Variants in TMTC2 observed in about 807,000 individuals in gnomAD.
TMTC2 encodes transmembrane O-mannosyltransferase targeting cadherins 2.
A neutral mutation model predicts 82.4 loss-of-function variants in TMTC2; 43 were observed. That is an observed-to-expected ratio of 0.52 (90% confidence interval 0.41 to 0.67). The LOEUF (loss-of-function observed/expected upper bound fraction) is 0.67, where lower values mean the gene tolerates loss of function less well. Among genes scored for constraint, TMTC2 ranks in the 30% least tolerant of loss-of-function variants. TMTC2 has a pLI of 0.00. For synonymous variants in TMTC2, 408 were observed against 381.9 expected, an observed-to-expected ratio of 1.07 and a Z score of -0.80; for missense variants, 919 against 1,012.4, an observed-to-expected ratio of 0.91 and a Z score of 1.25.
chr12:82,868,187 G>A (rs1871964891), intron 2 of TMTC2, among the ~76,000 whole-genome samples: 1 of 152,122 alleles, frequency 6.6e-6, no homozygotes, highest in Non-Finnish European at 1.5e-5. Context: ...CATTTTTGTA[G>A]CATTTTCAGT....
At chr12:82,773,173 C>T (rs1331754646) in intron 1 of TMTC2, among the ~76,000 whole-genome samples, 2 of 152,090 alleles carry the variant, frequency 1.3e-5, no homozygotes, top group Admixed American at 6.6e-5. Flanking sequence ...CACTGTTATT[C>T]CTGAGTTAGT....
Position 82,941,506 on chromosome 12 carries a change from C to A in TMTC2, c.1598+10961C>A, listed in dbSNP as rs543448270. Reference sequence around the variant, plus strand: ...AGTAATCTAATAACTGGATATAAATCAACAGAGTTCAAGTTTGCTGACCCC... The same window carrying A: ...AGTAATCTAATAACTGGATATAAATAAACAGAGTTCAAGTTTGCTGACCCC... On this transcript the variant is annotated intron_variant, in intron 4 of 11. Coordinates refer to ENST00000321196, the MANE Select transcript of TMTC2 (RefSeq NM_152588.3). Among the ~76,000 whole-genome samples the A allele has an allele frequency of 5.9e-5, 9 of 152,222 alleles. No homozygotes were observed. In the East Asian group the frequency reaches 1.2e-3, roughly 20 times the overall value.
At chr12:82,766,951 A>C (rs1273856413) in intron 1 of TMTC2, among the ~76,000 whole-genome samples, 1 of 152,170 alleles carries the variant, frequency 6.6e-6, no homozygotes, top group East Asian at 1.9e-4. Flanking sequence ...AGTGCACGCC[A>C]CCACACCCAG....
At chr12:82,778,720 G>A (rs1043840277) in intron 1 of TMTC2, among the ~76,000 whole-genome samples, 4 of 150,708 alleles carry the variant, frequency 2.7e-5, no homozygotes, top group African/African-American at 9.7e-5. Flanking sequence ...GTAGTGGCGG[G>A]CGCCTGTAGT....
At chr12:82,825,194 A>G (rs1354964256) in intron 1 of TMTC2, among the ~76,000 whole-genome samples, 4 of 152,166 alleles carry the variant, frequency 2.6e-5, no homozygotes, top group Non-Finnish European at 5.9e-5. Context: ...AACTAAGAGG[A>G]CTTCCTTAAA....
At chr12:82,875,101 T>C (rs1203354246) in intron 2 of TMTC2, among the ~76,000 whole-genome samples, 2 of 152,132 alleles carry the variant, frequency 1.3e-5, no homozygotes, top group African/African-American at 4.8e-5. Context: ...ACAAAGAGTG[T>C]GGTTGTGTGT....
intron 1 of TMTC2, among the ~76,000 whole-genome samples, chr12:82,833,557 C>T (rs1287384903): frequency 6.6e-6 from 1 of 152,186 alleles, no homozygotes; most frequent in Non-Finnish European, 1.5e-5. Flanking sequence ...TCAGTTGATT[C>T]ATGCTCACAA....
chr12:82,964,286 C>T (rs999475756), intron 4 of TMTC2, among the ~76,000 whole-genome samples: 16 of 151,886 alleles, frequency 1.1e-4, no homozygotes, highest in Admixed American at 9.2e-4. Flanking sequence ...TGATTTCATT[C>T]GGTCATGAGG....
chr12:83,083,664 A>G (rs1436713329), intron 11 of TMTC2, among the ~76,000 whole-genome samples: 1 of 152,158 alleles, frequency 6.6e-6, no homozygotes, highest in Non-Finnish European at 1.5e-5. Flanking sequence ...CTCTGTGCCA[A>G]CTTCTTGTGC....
At chr12:82,900,683 A>AAT (rs1000634829) in intron 3 of TMTC2, among the ~76,000 whole-genome samples, 1 of 142,568 alleles carries the variant, frequency 7.0e-6, no homozygotes, top group South Asian at 2.2e-4. Context: ...ATATCTCTGG[A>AAT]ATATATATAT....
At chr12:82,761,492 G>A (rs1471861499) in intron 1 of TMTC2, among the ~76,000 whole-genome samples, 3 of 152,118 alleles carry the variant, frequency 2.0e-5, no homozygotes, top group South Asian at 2.1e-4. Context: ...GCGAGTATTC[G>A]CTTAAATTCC....
intron 1 of TMTC2, chr12:82,759,898 A>G (rs1234365251): frequency 6.6e-6 from 1 of 152,192 alleles, no homozygotes; most frequent in Non-Finnish European, 1.5e-5. Flanking sequence ...AATCTTTAGT[A>G]TTATTCCTTT....
chr12:82,720,238 AC>A (rs1379021928), intron 1 of TMTC2, among the ~76,000 whole-genome samples: 9 of 151,916 alleles, frequency 5.9e-5, no homozygotes, highest in African/African-American at 2.2e-4. Context: ...CATGTCCCCG[AC>A]CCCAGCCCTC....
chr12:82,949,544 A>G (rs1877235358), intron 4 of TMTC2, among the ~76,000 whole-genome samples: 1 of 152,214 alleles, frequency 6.6e-6, no homozygotes, highest in Non-Finnish European at 1.5e-5. Context: ...GAAATACTTC[A>G]GAGCATGTCT....
chr12:82,801,724 A>T (rs1879013436), intron 1 of TMTC2, among the ~76,000 whole-genome samples: 1 of 152,114 alleles, frequency 6.6e-6, no homozygotes, highest in South Asian at 2.1e-4. Flanking sequence ...TGAGCTAGAC[A>T]CAGAGTGCCG....
chr12:82,836,890 G>A (rs1461126965), intron 1 of TMTC2, among the ~76,000 whole-genome samples: 4 of 151,796 alleles, frequency 2.6e-5, no homozygotes, highest in African/African-American at 9.7e-5. Flanking sequence ...AGACAGGAAG[G>A]TTTAGGACTT....
chr12:82,775,711 G>C (rs536869968), intron 1 of TMTC2, among the ~76,000 whole-genome samples: 4 of 152,078 alleles, frequency 2.6e-5, no homozygotes, highest in African/African-American at 9.6e-5. Context: ...GGCCAGCCTT[G>C]GTCTCTAGTA....
rs67900968 is a variant in TMTC2 at position 83,026,705 on chromosome 12, AGTGTGTGTGT to A, written c.2071-4065_2071-4056del. The stretch of plus-strand genomic sequence containing the variant: ...GGGGAGTTTTAGAAATGATTGAAGG[AGTGTGTGTGT>A]GTGTGTGTGTGTGTGTGTGTGTGTG... On this transcript the variant is annotated intron_variant, in intron 8 of 11. Transcript: ENST00000321196. Among the ~76,000 whole-genome samples the A allele has an allele frequency of 3.3e-3, 467 of 143,014 alleles. 4 individuals carry two copies. Among genetic ancestry groups the A allele is most frequent in the African/African-American group, 8.7e-3 (339 of 38,774 alleles). The allele number at this position is 143,014 out of a possible 152,430, so 93.8% of individuals were successfully genotyped here. A position where few individuals can be genotyped will look rare whatever the true frequency, so the allele number is the denominator to read the frequency against.
intron 9 of TMTC2, among the ~76,000 whole-genome samples, chr12:83,043,091 G>C (rs993563532): frequency 1.3e-5 from 2 of 152,202 alleles, no homozygotes; most frequent in African/African-American, 2.4e-5. Flanking sequence ...TAAAGGGAAG[G>C]CTAGAGAGAT....
Sources: gnomAD v4.1 joint callset for allele counts (sites outside exome capture counted in the v4.1 genomes callset) on GRCh38, gnomAD v4.1.1 for gene constraint, MANE v1.5 for transcripts, NCBI Gene and HGNC (gene_info 2026-07-23, HGNC 2026-07-21) for gene names.